The following CSMD3 variants were observed in gnomAD, a reference collection of about 807,000 sequenced individuals.
CSMD3 encodes CUB and Sushi multiple domains 3.
In CSMD3, 177 loss-of-function variants were observed where a neutral mutation model predicts 435.2. The ratio of observed to expected loss-of-function variants is 0.41; its 90% confidence interval spans 0.36 to 0.46. The LOEUF is 0.46. Ranked by LOEUF, CSMD3 falls within the 20% of genes least tolerant of loss-of-function variation. CSMD3 has a pLI of 0.34. For missense variants in CSMD3, 4,265 were observed against 4,504.6 expected (o/e 0.95, Z 1.52); for synonymous variants, 1,656 against 1,520.5 (o/e 1.09, Z -2.07).
chr8:113,147,986 C>A (rs1020180618), intron 4 of CSMD3, among the ~76,000 whole-genome samples: 2 of 151,624 alleles, frequency 1.3e-5, no homozygotes, highest in African/African-American at 4.8e-5. Context: ...GTCATAGAAT[C>A]TTTAATAATG....
chr8:113,119,970 T>C (rs2090941503), intron 4 of CSMD3, among the ~76,000 whole-genome samples: 1 of 152,060 alleles, frequency 6.6e-6, no homozygotes, highest in Admixed American at 6.6e-5. Context: ...TTTATTTATT[T>C]AATAATCCAA....
At chr8:113,183,117 T>A (rs571967269) in intron 3 of CSMD3, among the ~76,000 whole-genome samples, 1 of 152,178 alleles carries the variant, frequency 6.6e-6, no homozygotes, top group East Asian at 1.9e-4. Flanking sequence ...AGGTGCTCCT[T>A]TCTCCTGCAT....
At chr8:113,268,937 A>G (rs1588411328) in intron 3 of CSMD3, among the ~76,000 whole-genome samples, 1 of 152,132 alleles carries the variant, frequency 6.6e-6, no homozygotes, top group African/African-American at 2.4e-5. Flanking sequence ...ACCCTGAATG[A>G]AAGAATAAAA....
In CSMD3 at chr8:112,503,979, TGAAA is replaced by T; in HGVS notation, c.4896-6_4896-3del. 1 of 1,239,904 alleles carries T rather than the reference TGAAA, an allele frequency of 8.1e-7. No homozygotes were observed. The highest frequency in any genetic ancestry group is 1.1e-6 in the Non-Finnish European group (1 of 895,936). 76.8% of individuals were successfully genotyped at this position (1,239,904 alleles called of 1,614,324 possible). A position where few individuals can be genotyped will look rare whatever the true frequency, so the allele number is the denominator to read the frequency against. Reference sequence around the variant, plus strand: ...TCATAGTTTGGTTCTATGCTAAAACTGAAAAAAAAAAGGAAAGAACAAAAGAAAG... The same window carrying T: ...TCATAGTTTGGTTCTATGCTAAAACTAAAAAAAGGAAAGAACAAAAGAAAG... On this transcript the variant is annotated splice_polypyrimidine_tract_variant and splice_region_variant and intron_variant, in intron 29 of 70. Transcript: ENST00000297405.
intron 3 of CSMD3, among the ~76,000 whole-genome samples, chr8:113,224,701 T>G (rs1447029832): frequency 6.6e-6 from 1 of 151,296 alleles, no homozygotes; most frequent in Non-Finnish European, 1.5e-5. Context: ...CTATAAAATT[T>G]GTGTGTGTAT....
chr8:112,711,010 C>A (rs1028521200), intron 13 of CSMD3, among the ~76,000 whole-genome samples: 2 of 151,838 alleles, frequency 1.3e-5, no homozygotes, highest in African/African-American at 2.4e-5. Context: ...CAGGCCAGTT[C>A]ACTACATTGA....
intron 10 of CSMD3, among the ~76,000 whole-genome samples, chr8:112,875,418 G>T (rs569297293): frequency 4.8e-4 from 73 of 152,176 alleles, no homozygotes; most frequent in African/African-American, 1.7e-3. Context: ...TTCTCGAGGA[G>T]TATCTTTGTG....
At chr8:113,413,630 C>A (rs1035455145) in intron 1 of CSMD3, among the ~76,000 whole-genome samples, 1 of 152,080 alleles carries the variant, frequency 6.6e-6, no homozygotes, top group African/African-American at 2.4e-5. Flanking sequence ...TAATACTATA[C>A]AAAAGAAGGC....
intron 5 of CSMD3, among the ~76,000 whole-genome samples, chr8:113,049,025 G>C (rs1181241011): frequency 6.6e-6 from 1 of 152,078 alleles, no homozygotes; most frequent in Non-Finnish European, 1.5e-5. Flanking sequence ...GATCACTTGA[G>C]GTCAAGAGTT....
At chr8:112,611,422 T>C (rs1368949573) in intron 22 of CSMD3, among the ~76,000 whole-genome samples, 2 of 152,192 alleles carry the variant, frequency 1.3e-5, no homozygotes, top group Non-Finnish European at 2.9e-5. Context: ...AGTTATTGTC[T>C]TCTTTATGTT....
intron 24 of CSMD3, among the ~76,000 whole-genome samples, chr8:112,561,065 T>C (rs1828577582): frequency 6.6e-6 from 1 of 151,652 alleles, no homozygotes; most frequent in Admixed American, 6.6e-5. Flanking sequence ...GCATTGTAGC[T>C]GAAAATGCAC....
At chr8:112,770,376 G>A (rs1249892716) in intron 13 of CSMD3, among the ~76,000 whole-genome samples, 2 of 152,044 alleles carry the variant, frequency 1.3e-5, no homozygotes, top group East Asian at 1.9e-4. Flanking sequence ...TTCAGAGGAT[G>A]AAGCGTTCAA....
At chr8:112,684,141 ATAT>A (rs2075961886) in intron 15 of CSMD3, among the ~76,000 whole-genome samples, 1 of 151,960 alleles carries the variant, frequency 6.6e-6, no homozygotes, top group Non-Finnish European at 1.5e-5. Context: ...AAAGTTAAAA[ATAT>A]TATGCATTTA....
intron 4 of CSMD3, among the ~76,000 whole-genome samples, chr8:113,106,718 C>G (rs1318285066): frequency 2.6e-5 from 4 of 152,094 alleles, no homozygotes; most frequent in Admixed American, 6.6e-5. Flanking sequence ...CAGCTGCCAG[C>G]CAGGACAAAT....
intron 22 of CSMD3, among the ~76,000 whole-genome samples, chr8:112,625,427 A>G (rs1834398224): frequency 6.6e-6 from 1 of 152,118 alleles, no homozygotes; most frequent in East Asian, 1.9e-4. Flanking sequence ...TTTCTTTTAG[A>G]AAATAGTGAT....
intron 1 of CSMD3, among the ~76,000 whole-genome samples, chr8:113,356,604 A>G (rs1405577362): frequency 1.3e-5 from 2 of 152,198 alleles, no homozygotes; most frequent in Non-Finnish European, 1.5e-5. Flanking sequence ...TGAACTGATG[A>G]ACAAATTACA....
At chr8:113,074,914 A>T (rs11776065) in intron 5 of CSMD3, among the ~76,000 whole-genome samples, 3,435 of 151,960 alleles carry the variant, frequency 0.023, 47 homozygotes, top group Middle Eastern at 0.048. Context: ...AATAAACATT[A>T]TGTCGTATCC....
rs573822010 is a variant in CSMD3, at chr8:113,016,697, T to C, written c.1030+2370A>G. Among the ~76,000 whole-genome samples, 4 of 151,958 alleles carry C rather than the reference T, an allele frequency of 2.6e-5. No homozygotes were observed. The South Asian group carries it at 8.3e-4, about 32-fold the overall frequency. On this transcript the variant is annotated intron_variant, in intron 6 of 70. Coordinates refer to ENST00000297405, the MANE Select transcript of CSMD3 (RefSeq NM_198123.2). Reference sequence around the variant, plus strand: ...TTAGTTTTGACTTTTGTATAATATATTACACAAAATTTTCAATCTTGAATT... The same window carrying C: ...TTAGTTTTGACTTTTGTATAATATACTACACAAAATTTTCAATCTTGAATT...
At chr8:113,146,316 C>T (rs1431056130) in intron 4 of CSMD3, among the ~76,000 whole-genome samples, 1 of 151,340 alleles carries the variant, frequency 6.6e-6, no homozygotes, top group Admixed American at 6.6e-5. Flanking sequence ...ATATGAGATC[C>T]TGTCTACATG....
Sources: gnomAD v4.1 joint callset for allele counts (sites outside exome capture counted in the v4.1 genomes callset) on GRCh38, gnomAD v4.1.1 for gene constraint, MANE v1.5 for transcripts, NCBI Gene and HGNC (gene_info 2026-07-23, HGNC 2026-07-21) for gene names.